The following VRK1 variants were observed in gnomAD, a reference collection of about 807,000 sequenced individuals.
VRK1 encodes the protein serine/threonine-protein kinase VRK1.
A neutral mutation model predicts 57.1 loss-of-function variants in VRK1; 33 were observed. That is an observed-to-expected ratio of 0.58 (90% CI 0.44 to 0.77). The LOEUF (loss-of-function observed/expected upper bound fraction) is 0.77. VRK1 is among the 30% of genes least tolerant of loss of function. The probability of loss-of-function intolerance (pLI) is 0.00; values close to 1 mark genes in which losing one functional copy is unlikely to be tolerated. For synonymous variants in VRK1, 137 were observed against 147.8 expected, an observed-to-expected ratio of 0.93 and a Z score of 0.53; for missense variants, 413 against 477.3, an observed-to-expected ratio of 0.87 and a Z score of 1.25.
At chr14:96,876,186 A>C in intron 12 of VRK1, 66 bp downstream of exon 12, 1 of 1,459,794 alleles carries the variant, frequency 6.9e-7, no homozygotes, top group Non-Finnish European at 9.6e-7. Context: ...CTCCCATTAG[A>C]TGAGGGGTCA....
At chr14:96,798,678 C>T (rs1595630400) in intron 1 of VRK1, among the ~76,000 whole-genome samples, 1 of 152,086 alleles carries the variant, frequency 6.6e-6, no homozygotes, top group East Asian at 1.9e-4. Flanking sequence ...ATAAAGGCAC[C>T]TTTCTTTATG....
chr14:96,860,809 G>A, intron 11 of VRK1, 74 bp downstream of exon 11: 1 of 1,517,920 alleles, frequency 6.6e-7, no homozygotes, highest in Non-Finnish European at 9.0e-7. Context: ...AGAAAGTATA[G>A]CAGTAGTTCA....
chr14:96,830,094 T>G (rs1283003920), intron 1 of VRK1, among the ~76,000 whole-genome samples: 1 of 152,170 alleles, frequency 6.6e-6, no homozygotes, highest in Non-Finnish European at 1.5e-5. Context: ...TGATGACAAT[T>G]TGATTTTATT....
At position 96,875,169 on chromosome 14, in the gene VRK1, G is replaced by A. The variant is rs138855314; in HGVS notation, c.1069-861G>A. Among the ~76,000 whole-genome samples the A allele has an allele frequency of 1.1e-3, 168 of 152,228 alleles. 1 individual carries two copies. The highest frequency in any genetic ancestry group is 3.7e-3 in the African/African-American group (155 of 41,536). ...AGTTTTATATTTATTCCTAATGCCCGTCTATAATTTTACCTATGTATAGAG... is the reference window on the plus strand; with the variant it reads ...AGTTTTATATTTATTCCTAATGCCCATCTATAATTTTACCTATGTATAGAG... On this transcript the variant is annotated intron_variant, in intron 11 of 12. Transcript: ENST00000216639.
In VRK1 at chr14:96,807,658, A is replaced by G. The variant is rs565920584; in HGVS notation, c.-6+10211A>G. Among the ~76,000 whole-genome samples, 13 of 152,304 alleles carry G rather than the reference A, an allele frequency of 8.5e-5. No individual in the cohort carries two copies. The South Asian group carries it at 2.3e-3, about 27-fold the overall frequency. On this transcript the variant is annotated intron_variant, in intron 1 of 12. Coordinates refer to ENST00000216639, the MANE Select transcript of VRK1 (RefSeq NM_003384.3). ...ATATCCTTTTGTGACCACATCATACATTGAACATAAAGTTGAATAAAATCC... is the reference window on the plus strand; with the variant it reads ...ATATCCTTTTGTGACCACATCATACGTTGAACATAAAGTTGAATAAAATCC...
chr14:96,805,150 C>T (rs1215748087), intron 1 of VRK1, among the ~76,000 whole-genome samples: 2 of 152,170 alleles, frequency 1.3e-5, no homozygotes, highest in Admixed American at 6.5e-5. Context: ...GTTATTTAAT[C>T]AGTATGTCCT....
intron 11 of VRK1, among the ~76,000 whole-genome samples, chr14:96,871,268 A>G (rs1443692500): frequency 6.6e-6 from 1 of 152,230 alleles, no homozygotes; most frequent in Non-Finnish European, 1.5e-5. Context: ...GTTAATTAGC[A>G]AAATTGCTTG....
intron 12 of VRK1, among the ~76,000 whole-genome samples, chr14:96,879,150 T>C (rs191797418): frequency 4.1e-4 from 63 of 152,272 alleles, no homozygotes; most frequent in African/African-American, 1.5e-3. Context: ...ATTTTCCAAA[T>C]ATCAAATTAT....
chr14:96,836,715 A>T (rs557798742), intron 2 of VRK1, among the ~76,000 whole-genome samples: 4 of 151,784 alleles, frequency 2.6e-5, no homozygotes, highest in South Asian at 4.2e-4. Context: ...TTAAGTAAAG[A>T]CGGGGTTTCA....
intron 1 of VRK1, among the ~76,000 whole-genome samples, chr14:96,801,322 G>A (rs772289420): frequency 6.6e-6 from 1 of 152,160 alleles, no homozygotes; most frequent in South Asian, 2.1e-4. Context: ...CTAAAGAAAA[G>A]TCATCATTTG....
At chr14:96,828,781 A>G (rs1183573806) in intron 1 of VRK1, among the ~76,000 whole-genome samples, 2 of 152,294 alleles carry the variant, frequency 1.3e-5, no homozygotes, top group East Asian at 1.9e-4. Flanking sequence ...ATGCTAAAAG[A>G]TAAGTATTGA....
chr14:96,812,934 T>C (rs907814508), intron 1 of VRK1, among the ~76,000 whole-genome samples: 1 of 152,216 alleles, frequency 6.6e-6, no homozygotes, highest in Non-Finnish European at 1.5e-5. Flanking sequence ...TCCTAGCCTT[T>C]CATTTTACAG....
At chr14:96,864,197 A>C (rs114630018) in intron 11 of VRK1, among the ~76,000 whole-genome samples, 2,524 of 152,194 alleles carry the variant, frequency 0.017, 73 homozygotes, top group African/African-American at 0.057. Flanking sequence ...TGAACTTCTT[A>C]TTTGGCTGAA....
intron 1 of VRK1, among the ~76,000 whole-genome samples, chr14:96,818,029 C>T (rs1304040025): frequency 6.7e-6 from 1 of 149,094 alleles, no homozygotes; most frequent in Non-Finnish European, 1.5e-5. Context: ...GTCTTCATCA[C>T]TTTCGTTTCT....
At chr14:96,823,169 T>TA (rs1206757282) in intron 1 of VRK1, among the ~76,000 whole-genome samples, 1 of 152,264 alleles carries the variant, frequency 6.6e-6, no homozygotes, top group African/African-American at 2.4e-5. Flanking sequence ...TTTATGTTTT[T>TA]AAAACATGAC....
At chr14:96,841,735 T>C (rs1371485145) in intron 3 of VRK1, among the ~76,000 whole-genome samples, 1 of 151,672 alleles carries the variant, frequency 6.6e-6, no homozygotes, top group African/African-American at 2.4e-5. Context: ...CTCAGGAGGC[T>C]GAGGCAGGAG....
intron 1 of VRK1, among the ~76,000 whole-genome samples, chr14:96,819,903 C>T (rs1365416896): frequency 6.6e-6 from 1 of 152,132 alleles, no homozygotes; most frequent in African/African-American, 2.4e-5. Context: ...GAATTGGGCC[C>T]TTTCTGTTGA....
intron 5 of VRK1, among the ~76,000 whole-genome samples, chr14:96,847,640 C>CT (rs1251782768): frequency 1.3e-5 from 2 of 149,052 alleles, no homozygotes; most frequent in Non-Finnish European, 3.0e-5. Flanking sequence ...AACACCCTGC[C>CT]TTTTTTTCCT....
At position 96,881,301 on chromosome 14, in the gene VRK1, T is replaced by TG. The variant is rs1889250263; in HGVS notation, c.*94dup. The TG allele has an allele frequency of 8.4e-7, 1 of 1,186,840 alleles. No homozygotes were observed. The highest frequency in any genetic ancestry group is 1.2e-6 in the Non-Finnish European group (1 of 827,142). 73.5% of individuals were successfully genotyped at this position (1,186,840 alleles called of 1,614,324 possible). ...AACTGTTTTATTTTCCTGTGAGTCTTGCGAGGTGGAAGTAATGATTAAATA... is the reference window on the plus strand; with the variant it reads ...AACTGTTTTATTTTCCTGTGAGTCTTGGCGAGGTGGAAGTAATGATTAAATA... On this transcript the variant is annotated 3_prime_UTR_variant, in exon 13 of 13. Transcript: ENST00000216639.
Sources: allele counts gnomAD v4.1 joint callset (sites outside exome capture counted in the v4.1 genomes callset), GRCh38; gene constraint gnomAD v4.1.1; transcripts MANE v1.5; gene names NCBI Gene and HGNC (gene_info 2026-07-23, HGNC 2026-07-21).